Variants in AP5Z1 observed in about 807,000 individuals in gnomAD.
The protein encoded by AP5Z1 is AP-5 complex subunit zeta-1.
AP5Z1 carries 106 observed loss-of-function variants against 83.0 expected under a neutral mutation model. The ratio of observed to expected loss-of-function variants is 1.28; its 90% CI spans 1.09 to 1.50. The LOEUF (loss-of-function observed/expected upper bound fraction) is 1.50, where lower values mean the gene tolerates loss of function less well. Ranked by LOEUF, AP5Z1 falls within the 40% of genes most tolerant of loss-of-function variation. The pLI, the probability that AP5Z1 is intolerant of heterozygous loss-of-function variation, is 0.00. For synonymous variants in AP5Z1, 751 were observed against 514.1 expected, an observed-to-expected ratio of 1.46 and a Z score of -6.23; for missense variants, 1,565 against 1,094.2, an observed-to-expected ratio of 1.43 and a Z score of -6.07.
Position 4,792,640 on chromosome 7 carries a change from C to G in AP5Z1, c.*1255C>G, listed in dbSNP as rs1380104184. ...TTGGGTCGCGTTCCGAGCTCCAGGA[C>G]GGCTGGTGTCCCCCGCGGCCTGCGA... On this transcript the variant is annotated 3_prime_UTR_variant, in exon 17 of 17. Coordinates refer to ENST00000649063, the MANE Select transcript of AP5Z1 (RefSeq NM_014855.3). The G allele has an allele frequency of 6.6e-6, 1 of 152,216 alleles. No individual in the cohort carries two copies. Among genetic ancestry groups the G allele is most frequent in the Admixed American group, 6.5e-5 (1 of 15,284 alleles). 9.4% of individuals were successfully genotyped at this position (152,216 alleles called of 1,614,324 possible). A position where few individuals can be genotyped will look rare whatever the true frequency, so the allele number is the denominator to read the frequency against.
intron 13 of AP5Z1, among the ~76,000 whole-genome samples, chr7:4,789,435 C>T (rs1311104187): frequency 6.6e-6 from 1 of 152,236 alleles, no homozygotes; most frequent in African/African-American, 2.4e-5. Flanking sequence ...GGCTGGTGCC[C>T]CCCATCTCCC....
chr7:4,783,832 CAG>C lies in AP5Z1; in HGVS notation c.621+37_621+38del, dbSNP rs1160978589. 7 of 1,531,308 alleles carry C rather than the reference CAG, an allele frequency of 4.6e-6. No individual in the cohort carries two copies. In the Admixed American group the frequency reaches 7.9e-5, roughly 17 times the overall value. The allele number at this position is 1,531,308 out of a possible 1,614,324, so 94.9% of individuals were successfully genotyped here. On this transcript the variant is annotated intron_variant, in intron 5 of 16. Coordinates refer to ENST00000649063, the MANE Select transcript of AP5Z1 (RefSeq NM_014855.3). ...GGGACTGTTCTGGAACCATGGGGAACAGAGTCACAGACAACCCCTCCCTGAGA... is the reference window on the plus strand; with the variant it reads ...GGGACTGTTCTGGAACCATGGGGAACAGTCACAGACAACCCCTCCCTGAGA...
intron 10 of AP5Z1, 21 bp downstream of exon 10, chr7:4,786,449 G>T: frequency 6.2e-7 from 1 of 1,611,624 alleles, no homozygotes; most frequent in East Asian, 2.2e-5. Context: ...GCATCCCTGG[G>T]TGCCAGGGCA....
intron 16 of AP5Z1, 114 bp downstream of exon 16, chr7:4,791,001 G>C: frequency 6.8e-7 from 1 of 1,467,850 alleles, no homozygotes; most frequent in Non-Finnish European, 9.0e-7. Flanking sequence ...GTCCTGGGTG[G>C]GCCCTGCTGA....
At position 4,783,300 on chromosome 7, in the gene AP5Z1, CCT is replaced by C; in HGVS notation, c.367-15_367-14del. The C allele has an allele frequency of 1.3e-6, 2 of 1,593,332 alleles. No homozygotes were observed. The highest frequency in any genetic ancestry group is 1.7e-6 in the Non-Finnish European group (2 of 1,169,144). On this transcript the variant is annotated splice_polypyrimidine_tract_variant and intron_variant, in intron 3 of 16. Coordinates refer to ENST00000649063, the MANE Select transcript of AP5Z1 (RefSeq NM_014855.3). ...CACAGGCCAGTACCCCAGCGTTTGC[CCT>C]GTTTGATTTGAAGGGTGACAGAAAC...
In AP5Z1 at chr7:4,781,770, C is replaced by A; in HGVS notation, c.366+16C>A. The A allele has an allele frequency of 6.5e-7, 1 of 1,536,948 alleles. No individual in the cohort carries two copies. On this transcript the variant is annotated intron_variant, in intron 3 of 16. Coordinates refer to ENST00000649063, the MANE Select transcript of AP5Z1 (RefSeq NM_014855.3). ...CTTGGCCCAGGTAGCGCAGCAGTCA[C>A]CACCCCAGTTGGCACCGGATGGCTG... is the stretch of plus-strand genomic sequence containing the variant.
intron 12 of AP5Z1, chr7:4,788,539 G>T (rs1412401541): frequency 5.5e-6 from 3 of 542,594 alleles, no homozygotes; most frequent in Non-Finnish European, 9.3e-6. Flanking sequence ...GGTTGGCCCT[G>T]TGGGTGCTCC....
At chr7:4,778,813 ATATGT>A (rs1261696146) in intron 1 of AP5Z1, among the ~76,000 whole-genome samples, 4 of 145,376 alleles carry the variant, frequency 2.8e-5, no homozygotes, top group Non-Finnish European at 4.5e-5. Flanking sequence ...GTTATATATT[ATATGT>A]TATATTATAT....
Position 4,793,251 on chromosome 7 carries a change from C to G in AP5Z1, c.*1866C>G, listed in dbSNP as rs748344258. The G allele has an allele frequency of 2.6e-5, 4 of 152,390 alleles. No homozygotes were observed. The highest frequency in any genetic ancestry group is 1.3e-4 in the Admixed American group (2 of 15,310). 9.4% of individuals were successfully genotyped at this position (152,390 alleles called of 1,614,324 possible). On this transcript the variant is annotated 3_prime_UTR_variant, in exon 17 of 17. Coordinates refer to ENST00000649063, the MANE Select transcript of AP5Z1 (RefSeq NM_014855.3). ...GGGAAAAGGGCAAAGCTCACCAGCT[C>G]TCAACTTTTTTTTTAAATAAACTGA...
rs532746384 is a variant in AP5Z1, at chr7:4,794,114, C to G, written c.*2729C>G. On this transcript the variant is annotated 3_prime_UTR_variant, in exon 17 of 17. Transcript: ENST00000649063. ...GCACCAATAGACACTCTGTATCTAGCTACTCTGGTGGGGACTTGGAAAACC... is the reference window on the plus strand; with the variant it reads ...GCACCAATAGACACTCTGTATCTAGGTACTCTGGTGGGGACTTGGAAAACC... 6.6e-6 allele frequency: 1 copy of G among 152,454 alleles called. No individual in the cohort carries two copies. The highest frequency in any genetic ancestry group is 2.1e-4 in the South Asian group (1 of 4,826). 9.4% of individuals were successfully genotyped at this position (152,454 alleles called of 1,614,324 possible). A position where few individuals can be genotyped will look rare whatever the true frequency, so the allele number is the denominator to read the frequency against.
intron 13 of AP5Z1, among the ~76,000 whole-genome samples, chr7:4,789,365 C>A (rs1056267102): frequency 6.6e-6 from 1 of 152,138 alleles, no homozygotes; most frequent in African/African-American, 2.4e-5. Context: ...AGCAGTTTGT[C>A]CCCCTGCTGC....
chr7:4,775,905 C>A, intron 1 of AP5Z1, 149 bp downstream of exon 1: 1 of 1,204,122 alleles, frequency 8.3e-7, no homozygotes, highest in Non-Finnish European at 1.2e-6. Flanking sequence ...GGTAAGGCAA[C>A]ACGGCGGCCA....
intron 11 of AP5Z1, 44 bp from the exon 12 acceptor site, chr7:4,788,110 C>A: frequency 6.7e-7 from 1 of 1,484,116 alleles, no homozygotes; most frequent in Non-Finnish European, 9.0e-7. Context: ...CCCTTGAGTG[C>A]AGGGGCCGCA....
In AP5Z1 at chr7:4,792,094, G is replaced by A. The variant is rs1016313349; in HGVS notation, c.*709G>A. The A allele has an allele frequency of 1.3e-5, 2 of 152,314 alleles. No individual in the cohort carries two copies. The highest frequency in any genetic ancestry group is 6.5e-5 in the Admixed American group (1 of 15,290). The allele number at this position is 152,314 out of a possible 1,614,324, so 9.4% of individuals were successfully genotyped here. ...GAGGGAAGGCCCCAGGGAGCCACCT[G>A]AGTGGAGCTCAGAACACTGGATTCG... On this transcript the variant is annotated 3_prime_UTR_variant, in exon 17 of 17. Coordinates refer to ENST00000649063, the MANE Select transcript of AP5Z1 (RefSeq NM_014855.3).
At chr7:4,780,725 C>T (rs1781358937) in intron 1 of AP5Z1, among the ~76,000 whole-genome samples, 1 of 152,118 alleles carries the variant, frequency 6.6e-6, no homozygotes, top group African/African-American at 2.4e-5. Context: ...GAGATCATGA[C>T]ACTATATTCC....
intron 10 of AP5Z1, among the ~76,000 whole-genome samples, chr7:4,787,250 C>A (rs889127615): frequency 1.3e-5 from 2 of 151,756 alleles, no homozygotes; most frequent in Admixed American, 6.6e-5. Context: ...CCCAGCACCT[C>A]GGGAGGCCAA....
Position 4,781,665 on chromosome 7 carries a change from A to T in AP5Z1, c.277A>T (p.Met93Leu), listed in dbSNP as rs564490002. Residue 93 changes from methionine (M) to leucine (L), a missense_variant, in exon 3 of 17, where the codon ATG (methionine) becomes TTG (leucine). Met to Leu is a conservative substitution (Grantham distance 15, BLOSUM62 2). Coordinates refer to ENST00000649063, the MANE Select transcript of AP5Z1 (RefSeq NM_014855.3). ...GCTTTGCGCCGCCATCCTGCGAGAGATGTCCCCCTCTGACAGCCTCAGCCT... is the reference window on the plus strand; with the variant it reads ...GCTTTGCGCCGCCATCCTGCGAGAGTTGTCCCCCTCTGACAGCCTCAGCCT... Reference protein sequence around the residue: ...QVLCAAILREMSPSDSLSLAW... With the variant: ...QVLCAAILRELSPSDSLSLAW... The T allele has an allele frequency of 6.2e-7, 1 of 1,604,712 alleles. No individual in the cohort carries two copies. Among genetic ancestry groups the T allele is most frequent in the Non-Finnish European group, 8.5e-7 (1 of 1,173,210 alleles).
chr7:4,785,148 C>T (rs1781500349), intron 7 of AP5Z1, 100 bp downstream of exon 7: 2 of 1,493,464 alleles, frequency 1.3e-6, no homozygotes, highest in African/African-American at 2.8e-5. Flanking sequence ...TACTGCTCCA[C>T]AGAGGGGGTC....
chr7:4,791,542 G>A lies in AP5Z1; in HGVS notation c.*157G>A. 3 of 1,115,512 alleles carry A rather than the reference G, an allele frequency of 2.7e-6. No individual in the cohort carries two copies. Among genetic ancestry groups the A allele is most frequent in the Non-Finnish European group, 3.8e-6 (3 of 799,654 alleles). 69.1% of individuals were successfully genotyped at this position (1,115,512 alleles called of 1,614,324 possible). On this transcript the variant is annotated 3_prime_UTR_variant, in exon 17 of 17. Coordinates refer to ENST00000649063, the MANE Select transcript of AP5Z1 (RefSeq NM_014855.3). ...GCACCCTCACAGACACGCGGGGCTGGCCCCCCTGCTCACCCTCTGGGCTTT... is the reference window on the plus strand; with the variant it reads ...GCACCCTCACAGACACGCGGGGCTGACCCCCCTGCTCACCCTCTGGGCTTT...
Sources: allele counts gnomAD v4.1 joint callset (sites outside exome capture counted in the v4.1 genomes callset), GRCh38; gene constraint gnomAD v4.1.1; transcripts MANE v1.5; gene names NCBI Gene and HGNC (gene_info 2026-07-23, HGNC 2026-07-21).